Variants in FHIP2A observed in about 807,000 individuals in gnomAD.
FHIP2A encodes the protein FHF complex subunit HOOK interacting protein 2A.
A neutral mutation model predicts 93.5 loss-of-function variants in FHIP2A; 46 were observed. The ratio of observed to expected loss-of-function variants is 0.49; its 90% CI spans 0.39 to 0.63. The LOEUF (loss-of-function observed/expected upper bound fraction) is 0.63, where lower values mean the gene tolerates loss of function less well. Among genes scored for constraint, FHIP2A ranks in the 20% least tolerant of loss-of-function variants. FHIP2A has a pLI of 0.00. For synonymous variants in FHIP2A, 332 were observed against 326.5 expected, an observed-to-expected ratio of 1.02 and a Z score of -0.18; for missense variants, 769 against 909.7, an observed-to-expected ratio of 0.85 and a Z score of 1.99.
At chr10:114,881,387 G>A (rs941298450) in intron 16 of FHIP2A, among the ~76,000 whole-genome samples, 4 of 152,108 alleles carry the variant, frequency 2.6e-5, no homozygotes, top group Admixed American at 6.5e-5. Flanking sequence ...GGGCTGAGAC[G>A]CTGATTGGAT....
rs1031713457 is a variant in FHIP2A, at chr10:114,895,500, T to C, written c.2193-3990T>C. Among the ~76,000 whole-genome samples, 18 of 152,214 alleles carry C rather than the reference T, an allele frequency of 1.2e-4. 1 individual carries two copies. The highest frequency in any genetic ancestry group is 4.3e-4 in the African/African-American group (18 of 41,448). On this transcript the variant is annotated intron_variant, in intron 16 of 16. Transcript: ENST00000369250. Reference sequence around the variant, plus strand: ...AAATTTTCCATGGGTAAGCAGTAACTTGAGAGTCTGTACAATCCTTAATAA... The same window carrying C: ...AAATTTTCCATGGGTAAGCAGTAACCTGAGAGTCTGTACAATCCTTAATAA...
At chr10:114,875,304 G>C (rs2083879355) in intron 16 of FHIP2A, among the ~76,000 whole-genome samples, 1 of 152,208 alleles carries the variant, frequency 6.6e-6, no homozygotes, top group South Asian at 2.1e-4. Context: ...CCTGTGAGGA[G>C]TGAGGGCATG....
intron 16 of FHIP2A, among the ~76,000 whole-genome samples, chr10:114,886,629 T>G (rs2083944380): frequency 6.6e-6 from 1 of 152,100 alleles, no homozygotes; most frequent in Non-Finnish European, 1.5e-5. Flanking sequence ...ACTGCAATCT[T>G]CACCTCCCGT....
intron 16 of FHIP2A, among the ~76,000 whole-genome samples, chr10:114,893,018 T>C (rs1312327807): frequency 6.6e-6 from 1 of 152,194 alleles, no homozygotes; most frequent in Non-Finnish European, 1.5e-5. Context: ...ATTTTTCTTC[T>C]TTTTATATAT....
intron 16 of FHIP2A, among the ~76,000 whole-genome samples, chr10:114,894,411 A>T: frequency 6.6e-6 from 1 of 151,992 alleles, no homozygotes; most frequent in African/African-American, 2.4e-5. Flanking sequence ...AAAAAAAAAA[A>T]AAAAAATTAG....
At chr10:114,842,237 A>AT (rs1339831486) in intron 5 of FHIP2A, among the ~76,000 whole-genome samples, 4 of 151,662 alleles carry the variant, frequency 2.6e-5, no homozygotes, top group East Asian at 1.9e-4. Flanking sequence ...ATTTTATTTT[A>AT]TTTTTTTAGT....
chr10:114,850,897 T>C (rs2083731130), intron 13 of FHIP2A, among the ~76,000 whole-genome samples: 1 of 152,162 alleles, frequency 6.6e-6, no homozygotes, highest in Non-Finnish European at 1.5e-5. Context: ...TTCTTAATTT[T>C]GTTTTTTTGT....
In FHIP2A at chr10:114,864,065, G is replaced by C. The variant is rs1304403240; in HGVS notation, c.*2525G>C. 1 of 989,414 alleles carries C rather than the reference G, an allele frequency of 1.0e-6. No individual in the cohort carries two copies. The highest frequency in any genetic ancestry group is 1.2e-6 in the Non-Finnish European group (1 of 832,352). The allele number at this position is 989,414 out of a possible 1,614,324, so 61.3% of individuals were successfully genotyped here. A position where few individuals can be genotyped will look rare whatever the true frequency, so the allele number is the denominator to read the frequency against. ...TTTGTGCAATATGGAAGCTGTGAGT[G>C]GATTCATAGCTTTTTGGTTTAATTG... On this transcript the variant is annotated 3_prime_UTR_variant, in exon 17 of 17. Transcript: ENST00000369248.
intron 2 of FHIP2A, among the ~76,000 whole-genome samples, chr10:114,831,853 C>A (rs1366787241): frequency 1.3e-5 from 2 of 152,186 alleles, no homozygotes; most frequent in African/African-American, 4.8e-5. Context: ...CTCCAGGGCC[C>A]ATGCTTTTAA....
intron 16 of FHIP2A, among the ~76,000 whole-genome samples, chr10:114,898,563 T>G (rs536615479): frequency 1.4e-4 from 22 of 152,158 alleles, no homozygotes; most frequent in Admixed American, 2.6e-4. Flanking sequence ...AAGTTTGTTC[T>G]TTTCTTGGTC....
chr10:114,870,811 C>A (rs999808503), intron 16 of FHIP2A, among the ~76,000 whole-genome samples: 9 of 152,120 alleles, frequency 5.9e-5, no homozygotes, highest in African/African-American at 2.2e-4. Context: ...TCCAAATCCA[C>A]TCCTCTATGT....
In FHIP2A at chr10:114,861,621, G is replaced by T. The variant is rs2083800541; in HGVS notation, c.*81G>T. 6.5e-7 allele frequency: 1 copy of T among 1,537,524 alleles called. No individual in the cohort carries two copies. ...AAGACTCAGTTCCACCCAGCCACAAGAGGATAAAAAGCCTTTTTAAACGCA... is the reference window on the plus strand; with the variant it reads ...AAGACTCAGTTCCACCCAGCCACAATAGGATAAAAAGCCTTTTTAAACGCA... On this transcript the variant is annotated 3_prime_UTR_variant, in exon 17 of 17. Coordinates refer to ENST00000369248, the MANE Select transcript of FHIP2A (RefSeq NM_020940.4).
chr10:114,836,193 A>T lies in FHIP2A; in HGVS notation c.469A>T (p.Ile157Phe). 1 of 1,604,246 alleles carries T rather than the reference A, an allele frequency of 6.2e-7. No homozygotes were observed. Among genetic ancestry groups the T allele is most frequent in the Non-Finnish European group, 8.5e-7 (1 of 1,173,012 alleles). ...AAATGAAGAGATTCAGTTTCTTTGCATTGTGTGTGCGAAGCTGAAACAGGA... is the reference window on the plus strand; with the variant it reads ...AAATGAAGAGATTCAGTTTCTTTGCTTTGTGTGTGCGAAGCTGAAACAGGA... ...TENEEIQFLC[I>F]VCAKLKQDPY... The change falls in exon 5 of 17, where the codon ATT becomes TTT. Residue 157 changes from isoleucine (I) to phenylalanine (F), a missense_variant. Coordinates refer to ENST00000369248, the MANE Select transcript of FHIP2A (RefSeq NM_020940.4).
intron 16 of FHIP2A, among the ~76,000 whole-genome samples, chr10:114,878,650 G>A (rs923915306): frequency 6.6e-6 from 1 of 152,010 alleles, no homozygotes; most frequent in African/African-American, 2.4e-5. Context: ...ATAATGGCAG[G>A]TGCCTGTAAT....
At chr10:114,855,031 T>C (rs963284335) in intron 13 of FHIP2A, among the ~76,000 whole-genome samples, 166 bp from the exon 14 acceptor site, 2 of 152,224 alleles carry the variant, frequency 1.3e-5, no homozygotes, top group African/African-American at 4.8e-5. Flanking sequence ...GTGCCCCTAG[T>C]CACAGAAAGA....
At chr10:114,895,105 G>A (rs2083994623) in intron 16 of FHIP2A, among the ~76,000 whole-genome samples, 1 of 152,160 alleles carries the variant, frequency 6.6e-6, no homozygotes, top group African/African-American at 2.4e-5. Context: ...AGTAGGAGTG[G>A]AATGTGTTTG....
At chr10:114,848,762 A>C (rs1592021038) in intron 13 of FHIP2A, 25 bp downstream of exon 13, 2 of 1,497,524 alleles carry the variant, frequency 1.3e-6, no homozygotes, top group Non-Finnish European at 1.9e-6. Flanking sequence ...TAAATGTTGG[A>C]AATGAAATCT....
At chr10:114,822,574 T>C (rs530671608) in intron 1 of FHIP2A, among the ~76,000 whole-genome samples, 2 of 152,194 alleles carry the variant, frequency 1.3e-5, no homozygotes, top group Non-Finnish European at 2.9e-5. Flanking sequence ...AAGCACCGCT[T>C]GGGCTTGGTT....
intron 9 of FHIP2A, 21 bp from the exon 10 acceptor site, chr10:114,846,154 C>CT (rs758569495): frequency 5.5e-5 from 88 of 1,612,968 alleles, no homozygotes; most frequent in Non-Finnish European, 5.9e-5. Context: ...TGCCCACTGA[C>CT]TACCTGTTCA....
Sources: allele counts gnomAD v4.1 joint callset (sites outside exome capture counted in the v4.1 genomes callset), GRCh38; gene constraint gnomAD v4.1.1; transcripts MANE v1.5; gene names NCBI Gene and HGNC (gene_info 2026-07-23, HGNC 2026-07-21).